Variants in CD96 observed in about 807,000 individuals in gnomAD.
The protein encoded by CD96 is CD96 molecule, also known as T-cell surface protein tactile.
CD96 carries 70 observed loss-of-function variants against 71.3 expected under a neutral mutation model. The ratio of observed to expected loss-of-function variants is 0.98; its 90% CI spans 0.81 to 1.20. The LOEUF is 1.20. Among genes scored for constraint, CD96 ranks in the 50% most tolerant of loss-of-function variants. The probability of loss-of-function intolerance (pLI) is 0.00; values close to 1 mark genes in which losing one functional copy is unlikely to be tolerated. For synonymous variants in CD96, 248 were observed against 233.0 expected (o/e 1.06, Z -0.59); for missense variants, 742 against 677.5 (o/e 1.10, Z -1.06).
At chr3:111,638,818 G>A (rs879359488) in intron 12 of CD96, among the ~76,000 whole-genome samples, 3 of 152,128 alleles carry the variant, frequency 2.0e-5, no homozygotes, top group Non-Finnish European at 2.9e-5. Context: ...TGCACACGTC[G>A]TGGCAATAAA....
At position 111,650,386 on chromosome 3, in the gene CD96, C is replaced by T. The variant is rs1311617127; in HGVS notation, c.*580C>T. ...GAACCACATTTTCAATCCTCCTTCA[C>T]TGTCTTCCTACCATGTTCAGCCCAG... On this transcript the variant is annotated 3_prime_UTR_variant, in exon 14 of 14. Coordinates refer to ENST00000352690, the MANE Select transcript of CD96 (RefSeq NM_005816.5). 1 of 165,598 alleles carries T rather than the reference C, an allele frequency of 6.0e-6. No homozygotes were observed. The highest frequency in any genetic ancestry group is 5.6e-5 in the Admixed American group (1 of 17,934). The allele number at this position is 165,598 out of a possible 1,614,324, so 10.3% of individuals were successfully genotyped here. A position where few individuals can be genotyped will look rare whatever the true frequency, so the allele number is the denominator to read the frequency against.
At position 111,647,434 on chromosome 3, in the gene CD96, A is replaced by G. The variant is rs1328657968; in HGVS notation, c.1478-109A>G. On this transcript the variant is annotated intron_variant, in intron 12 of 13. Coordinates refer to ENST00000352690, the MANE Select transcript of CD96 (RefSeq NM_005816.5). ...ACATGCCCACCTCCAGAGTATGATC[A>G]CAGCCAATGTTGAAGAAAATATGTT... 4.2e-4 allele frequency: 414 copies of G among 991,044 alleles called. 2 individuals are homozygous for G. The highest frequency in any genetic ancestry group is 4.5e-5 in the Non-Finnish European group (28 of 619,256). The allele number at this position is 991,044 out of a possible 1,614,324, so 61.4% of individuals were successfully genotyped here.
At chr3:111,582,530 T>C (rs1936513697) in intron 4 of CD96, among the ~76,000 whole-genome samples, 1 of 152,190 alleles carries the variant, frequency 6.6e-6, no homozygotes, top group Non-Finnish European at 1.5e-5. Flanking sequence ...CTGCTCCACT[T>C]CAGGGACCTT....
intron 8 of CD96, among the ~76,000 whole-genome samples, chr3:111,622,266 G>A (rs1938551799): frequency 6.6e-6 from 1 of 152,158 alleles, no homozygotes; most frequent in Non-Finnish European, 1.5e-5. Context: ...GGTAATTGTG[G>A]AACTCCTCAG....
intron 1 of CD96, 79 bp from the exon 2 acceptor site, chr3:111,544,967 C>T: frequency 1.6e-6 from 2 of 1,224,416 alleles, no homozygotes. Flanking sequence ...CCTCACCTTA[C>T]TGAAGTGACT....
At chr3:111,637,949 C>G (rs1050986024) in intron 11 of CD96, 130 bp from the exon 12 acceptor site, 3 of 723,300 alleles carry the variant, frequency 4.1e-6, no homozygotes, top group African/African-American at 1.8e-5. Context: ...AAACTTTACA[C>G]ATAATATTTA....
intron 8 of CD96, among the ~76,000 whole-genome samples, chr3:111,609,401 A>G (rs886980143): frequency 1.3e-5 from 2 of 152,174 alleles, no homozygotes; most frequent in African/African-American, 2.4e-5. Flanking sequence ...CACTTACTAT[A>G]TATCAGGTAC....
intron 3 of CD96, chr3:111,570,799 G>C: frequency 6.2e-7 from 1 of 1,613,694 alleles, no homozygotes; most frequent in East Asian, 2.2e-5. Context: ...TCCAAAGCAG[G>C]TGGCCCTGGA....
chr3:111,586,128 TTAAG>T (rs1453991340), intron 5 of CD96, among the ~76,000 whole-genome samples: 8 of 152,248 alleles, frequency 5.3e-5, no homozygotes, highest in African/African-American at 1.9e-4. Flanking sequence ...GTGACATATA[TTAAG>T]TGTTTAATAA....
At chr3:111,590,047 A>G (rs145002839) in intron 5 of CD96, among the ~76,000 whole-genome samples, 38 of 152,300 alleles carry the variant, frequency 2.5e-4, no homozygotes, top group African/African-American at 8.7e-4. Context: ...ACTATTTATC[A>G]TTTACCCACT....
At chr3:111,661,479 G>A (rs573496346) in intron 14 of CD96, among the ~76,000 whole-genome samples, 21 of 152,188 alleles carry the variant, frequency 1.4e-4, no homozygotes, top group African/African-American at 1.9e-4. Context: ...GAGACAAGGC[G>A]AGTCCCTTCT....
intron 2 of CD96, among the ~76,000 whole-genome samples, chr3:111,549,240 G>T (rs1011443254): frequency 6.6e-6 from 1 of 151,438 alleles, no homozygotes; most frequent in Non-Finnish European, 1.5e-5. Context: ...TGAACACAGA[G>T]CTTTACAAAG....
intron 1 of CD96, 129 bp from the exon 2 acceptor site, chr3:111,544,917 A>C: frequency 1.3e-6 from 1 of 781,182 alleles, no homozygotes; most frequent in Non-Finnish European, 2.3e-6. Context: ...GCTCTACTCT[A>C]TTCCTAAAGC....
chr3:111,639,156 C>T (rs1939474925), intron 12 of CD96, among the ~76,000 whole-genome samples: 4 of 152,172 alleles, frequency 2.6e-5, no homozygotes. Flanking sequence ...CACAGACCCT[C>T]TGAAGGAAGC....
At chr3:111,591,836 G>A (rs1937003534) in intron 5 of CD96, among the ~76,000 whole-genome samples, 1 of 152,228 alleles carries the variant, frequency 6.6e-6, no homozygotes, top group South Asian at 2.1e-4. Context: ...CTGGTGCCTG[G>A]ACTTTTGTTT....
chr3:111,658,929 T>A (rs1026727787), intron 14 of CD96, among the ~76,000 whole-genome samples: 1 of 152,236 alleles, frequency 6.6e-6, no homozygotes, highest in African/African-American at 2.4e-5. Flanking sequence ...AAGCCCCTCC[T>A]CCTCAATTTT....
chr3:111,628,830 C>A (rs57067927), intron 10 of CD96, among the ~76,000 whole-genome samples: 1 of 151,998 alleles, frequency 6.6e-6, no homozygotes, highest in Non-Finnish European at 1.5e-5. Flanking sequence ...GCAGAAATCC[C>A]ACAATCCAGA....
intron 10 of CD96, among the ~76,000 whole-genome samples, chr3:111,629,926 A>G (rs753260836): frequency 5.9e-5 from 9 of 152,232 alleles, no homozygotes; most frequent in Non-Finnish European, 1.3e-4. Context: ...TCAGGTTAAT[A>G]ATGAAATTAA....
intron 3 of CD96, among the ~76,000 whole-genome samples, chr3:111,569,394 T>C (rs992454782): frequency 2.6e-5 from 4 of 152,226 alleles, no homozygotes; most frequent in Non-Finnish European, 5.9e-5. Context: ...AAGTAAGTCT[T>C]CCTGGACAGT....
Sources: allele counts gnomAD v4.1 joint callset (sites outside exome capture counted in the v4.1 genomes callset), GRCh38; gene constraint gnomAD v4.1.1; transcripts MANE v1.5; gene names NCBI Gene and HGNC (gene_info 2026-07-23, HGNC 2026-07-21).